Variants in TRPV2 observed in about 807,000 individuals in gnomAD.
The protein encoded by TRPV2 is transient receptor potential cation channel subfamily V member 2.
Under a neutral mutation model 91.0 loss-of-function variants are expected in TRPV2, and 58 were observed. The observed-to-expected ratio is 0.64, with a 90% CI of 0.52 to 0.79. TRPV2 has a LOEUF of 0.79. Among genes scored for constraint, TRPV2 ranks in the 30% least tolerant of loss-of-function variants. The pLI is 0.00. For synonymous variants in TRPV2, 417 were observed against 414.8 expected (o/e 1.01, Z -0.06); for missense variants, 807 against 969.6 (o/e 0.83, Z 2.23).
rs1261434317 is a variant in TRPV2, at chr17:16,420,175, C to G, written c.261C>G (p.Val87=). The G allele has an allele frequency of 3.8e-5, 61 of 1,613,988 alleles. No homozygotes were observed. Among genetic ancestry groups the G allele is most frequent in the Non-Finnish European group, 5.0e-5 (59 of 1,179,968 alleles). Reference sequence around the variant, plus strand: ...TCTTCAATGCGGTCTCCCGGGGTGTCCCCGAGGATCTGGCTGGACTTCCAG... The same window carrying G: ...TCTTCAATGCGGTCTCCCGGGGTGTGCCCGAGGATCTGGCTGGACTTCCAG... ...DRLFNAVSRG[V]PEDLAGLPEY... is the part of the protein sequence containing the mutation. The change falls in exon 3 of 15, where the codon GTC becomes GTG. Residue 87 remains valine, a synonymous_variant. Transcript: ENST00000338560.
chr17:16,432,434 T>G, intron 12 of TRPV2, 134 bp downstream of exon 12: 2 of 628,588 alleles, frequency 3.2e-6, no homozygotes, highest in Non-Finnish European at 5.2e-6. Context: ...TCAGTCTTCC[T>G]CTTCCTTTTT....
chr17:16,429,071 C>G lies in TRPV2; in HGVS notation c.1587+89C>G, dbSNP rs2093398300. ...CACAGCTATCCTAGGCAGAGGAGGG[C>G]ATGTGTACATCTGCCTGTGCGCCAG... On this transcript the variant is annotated intron_variant, in intron 10 of 14. Transcript: ENST00000338560. 7.0e-6 allele frequency: 10 copies of G among 1,422,872 alleles called. 1 individual carries two copies. In the East Asian group the frequency reaches 2.3e-4, roughly 33 times the overall value. 88.1% of individuals were successfully genotyped at this position (1,422,872 alleles called of 1,614,324 possible).
chr17:16,422,758 G>A lies in TRPV2; in HGVS notation c.494G>A (p.Ser165Asn), dbSNP rs867603470. 4 of 1,580,272 alleles carry A rather than the reference G, an allele frequency of 2.5e-6. No homozygotes were observed. The African/African-American group carries it at 5.4e-5, about 21-fold the overall frequency. The stretch of plus-strand genomic sequence containing the variant: ...ACAGATGACTATTACCGAGGCCACA[G>A]CGCTCTGCACATCGCCATTGAGAAG... ...QCTDDYYRGH[S>N]ALHIAIEKRS... is the part of the protein sequence containing the mutation. The change falls in exon 4 of 15, where the codon AGC (serine) becomes AAC (asparagine). Residue 165 changes from serine (S) to asparagine (N), a missense_variant. Physicochemically the swap from Ser to Asn is conservative, Grantham distance 46. Coordinates refer to ENST00000338560, the MANE Select transcript of TRPV2 (RefSeq NM_016113.5).
At chr17:16,432,625 GAGA>G (rs1271373587) in intron 12 of TRPV2, among the ~76,000 whole-genome samples, 2 of 151,670 alleles carry the variant, frequency 1.3e-5, no homozygotes, top group South Asian at 2.1e-4. Context: ...ATTTTTTGTA[GAGA>G]AGAAGGTCTC....
At chr17:16,423,386 C>T (rs1203209647) in intron 4 of TRPV2, 83 bp from the exon 5 acceptor site, 1 of 1,464,678 alleles carries the variant, frequency 6.8e-7, no homozygotes, top group Non-Finnish European at 9.2e-7. Flanking sequence ...TCAAGGAGGG[C>T]TGGCCTTTTG....
At chr17:16,419,445 G>A (rs764876760) in intron 2 of TRPV2, 3 of 470,572 alleles carry the variant, frequency 6.4e-6, no homozygotes, top group Middle Eastern at 3.3e-4. Flanking sequence ...TTGCTGCCAA[G>A]CCTAGAATCT....
chr17:16,428,333 G>A lies in TRPV2; in HGVS notation c.1367G>A (p.Arg456Gln), dbSNP rs769529986. The A allele has an allele frequency of 8.1e-6, 13 of 1,614,072 alleles. No individual in the cohort carries two copies. Among genetic ancestry groups the A allele is most frequent in the African/African-American group, 2.7e-5 (2 of 74,918 alleles). Residue 456 changes from arginine to glutamine, a missense_variant, in exon 9 of 15, where the codon CGG becomes CAG. Physicochemically the swap from Arg to Gln is conservative, Grantham distance 43 (BLOSUM62 1). Coordinates refer to ENST00000338560, the MANE Select transcript of TRPV2 (RefSeq NM_016113.5). ...CCTCCGCAGCTGTGGTACTTCTGGC[G>A]GCGCCACGTGTTCATCTGGATCTCG... ...LLVGQLWYFWRRHVFIWISFI... is the reference protein window; with the variant it reads ...LLVGQLWYFWQRHVFIWISFI...
chr17:16,430,430 C>G (rs1007055732), intron 10 of TRPV2, among the ~76,000 whole-genome samples: 3 of 151,510 alleles, frequency 2.0e-5, no homozygotes, highest in African/African-American at 7.3e-5. Context: ...GCTTATTTTA[C>G]TCAGTATAAT....
rs866071432 is a variant in TRPV2, at chr17:16,422,841, G to A, written c.577G>A (p.Ala193Thr). 6.4e-7 allele frequency: 1 copy of A among 1,571,906 alleles called. No individual in the cohort carries two copies. Among genetic ancestry groups the A allele is most frequent in the Non-Finnish European group, 8.6e-7 (1 of 1,156,662 alleles). Residue 193 changes from alanine (A) to threonine (T), a missense_variant, in exon 4 of 15, where the codon GCC becomes ACC. Coordinates refer to ENST00000338560, the MANE Select transcript of TRPV2 (RefSeq NM_016113.5). ...VENGANVHARACGRFFQKGQG... is the reference protein window; with the variant it reads ...VENGANVHARTCGRFFQKGQG... Reference sequence around the variant, plus strand: ...GAATGGGGCCAATGTGCATGCCCGGGCCTGCGGCCGCTTCTTCCAGAAGGG... The same window carrying A: ...GAATGGGGCCAATGTGCATGCCCGGACCTGCGGCCGCTTCTTCCAGAAGGG...
rs1438248227 is a variant in TRPV2 at position 16,435,842 on chromosome 17, A to G, written c.2194+873A>G. Among the ~76,000 whole-genome samples, 1 of 152,030 alleles carries G rather than the reference A, an allele frequency of 6.6e-6. No homozygotes were observed. Among genetic ancestry groups the G allele is most frequent in the East Asian group, 1.9e-4 (1 of 5,182 alleles). ...TCCTGGGCCGTGACCACTGCCTCAC[A>G]TACAGATAGGTTTCCCTTCACCTTC... On this transcript the variant is annotated intron_variant, in intron 14 of 14. Transcript: ENST00000338560. This position sits in a 1 kb window ranked among gnomAD's most constrained non-coding sequence, Gnocchi z 4.2.
At position 16,426,609 on chromosome 17, in the gene TRPV2, T is replaced by C; in HGVS notation, c.1096-113T>C. 1 of 1,312,672 alleles carries C rather than the reference T, an allele frequency of 7.6e-7. No homozygotes were observed. Among genetic ancestry groups the C allele is most frequent in the Non-Finnish European group, 1.0e-6 (1 of 966,298 alleles). 81.3% of individuals were successfully genotyped at this position (1,312,672 alleles called of 1,614,324 possible). A position where few individuals can be genotyped will look rare whatever the true frequency, so the allele number is the denominator to read the frequency against. On this transcript the variant is annotated intron_variant, in intron 6 of 14. Transcript: ENST00000338560. The surrounding 1 kb of genome is among the most constrained non-coding windows in gnomAD (Gnocchi z 6.0). ...TTGGGGCTCCTGGGGTGTGGAAGCC[T>C]GCTCCCTGTCCTCTCTCCTCATTTC...
chr17:16,417,897 G>A (rs1207359982), intron 2 of TRPV2, 29 bp downstream of exon 2: 2 of 1,603,854 alleles, frequency 1.2e-6, no homozygotes, highest in Admixed American at 1.7e-5. Flanking sequence ...GCAGGGCAAA[G>A]GGGGCCCCCT....
At position 16,431,923 on chromosome 17, in the gene TRPV2, A is replaced by G. The variant is rs777288059; in HGVS notation, c.1655-43A>G. 2.5e-6 allele frequency: 4 copies of G among 1,611,984 alleles called. No homozygotes were observed. In the South Asian group the frequency reaches 4.4e-5, roughly 18 times the overall value. ...ACCCTGTACACTCCCAAGGCTGCCC[A>G]CCGGTCTCCTGGGCTAAGGACCCCT... On this transcript the variant is annotated intron_variant, in intron 11 of 14. Transcript: ENST00000338560.
chr17:16,431,722 G>A, intron 10 of TRPV2, 62 bp from the exon 11 acceptor site: 1 of 1,507,446 alleles, frequency 6.6e-7, no homozygotes, highest in Non-Finnish European at 9.2e-7. Flanking sequence ...GTGAGGCAGG[G>A]TTCTGGGGTC....
chr17:16,422,229 A>G (rs574750242), intron 3 of TRPV2, among the ~76,000 whole-genome samples: 1 of 151,472 alleles, frequency 6.6e-6, no homozygotes, highest in East Asian at 2.0e-4. Flanking sequence ...AGGCTGAGGC[A>G]GGAAAACGGC....
Position 16,420,232 on chromosome 17 carries a change from C to T in TRPV2, c.318C>T (p.Thr106=), listed in dbSNP as rs140921785. 4.7e-5 allele frequency: 76 copies of T among 1,613,810 alleles called. 1 individual carries two copies. The highest frequency in any genetic ancestry group is 2.5e-4 in the South Asian group (23 of 91,050). The change falls in exon 3 of 15, where the codon ACC becomes ACT. Residue 106 remains threonine (T), a synonymous_variant. Coordinates refer to ENST00000338560, the MANE Select transcript of TRPV2 (RefSeq NM_016113.5). ...TGAGCAAGACCAGCAAGTACCTCACCGACTCGGAATACACAGGTAGACCCT... is the reference window on the plus strand; with the variant it reads ...TGAGCAAGACCAGCAAGTACCTCACTGACTCGGAATACACAGGTAGACCCT... ...EYLSKTSKYL[T]DSEYTEGSTG...
rs2093431597 is a variant in TRPV2 at position 16,435,681 on chromosome 17, C to G, written c.2194+712C>G. Among the ~76,000 whole-genome samples the G allele has an allele frequency of 6.6e-6, 1 of 152,172 alleles. No homozygotes were observed. Among genetic ancestry groups the G allele is most frequent in the Admixed American group, 6.5e-5 (1 of 15,280 alleles). ...TCCACTGGTTCACCTCCTCTCCTTT[C>G]TCCATCTCTTTCCTGACAAATTTCA... On this transcript the variant is annotated intron_variant, in intron 14 of 14. Coordinates refer to ENST00000338560, the MANE Select transcript of TRPV2 (RefSeq NM_016113.5). This position sits in a 1 kb window ranked among gnomAD's most constrained non-coding sequence, Gnocchi z 4.2.
intron 2 of TRPV2, 27 bp downstream of exon 2, chr17:16,417,895 A>C (rs781617101): frequency 1.2e-5 from 20 of 1,606,174 alleles, no homozygotes; most frequent in Non-Finnish European, 1.7e-5. Flanking sequence ...GGGCAGGGCA[A>C]AGGGGGCCCC....
At chr17:16,422,239 C>T (rs543612104) in intron 3 of TRPV2, among the ~76,000 whole-genome samples, 39 of 148,538 alleles carry the variant, frequency 2.6e-4, no homozygotes, top group Admixed American at 8.8e-4. Context: ...AGGAAAACGG[C>T]GTGAACCTGG....
Sources: allele counts gnomAD v4.1 joint callset (sites outside exome capture counted in the v4.1 genomes callset), GRCh38; gene constraint gnomAD v4.1.1; non-coding constraint Gnocchi (gnomAD v3.1); transcripts MANE v1.5; gene names NCBI Gene and HGNC (gene_info 2026-07-23, HGNC 2026-07-21).